The following USP34 variants were observed in gnomAD, a reference collection of about 807,000 sequenced individuals.
USP34 encodes ubiquitin carboxyl-terminal hydrolase 34.
In USP34, 70 loss-of-function variants were observed where a neutral mutation model predicts 460.3. The ratio of observed to expected loss-of-function variants is 0.15; its 90% CI spans 0.13 to 0.19. The LOEUF is 0.19. USP34 is among the 10% of genes least tolerant of loss of function. The pLI, the probability that USP34 is intolerant of heterozygous loss-of-function variation, is 1.00. For missense variants in USP34, 3,985 were observed against 4,236.2 expected (o/e 0.94, Z 1.65); for synonymous variants, 1,647 against 1,405.3 (o/e 1.17, Z -3.85).
Position 61,386,485 on chromosome 2 carries a change from T to A in USP34, c.754-3149A>T, listed in dbSNP as rs190568939. ...CCTGATCAAGGTAAGCAAGAAAAAA[T>A]TTTTCAAAAAAAACAACAACTTTGG... On this transcript the variant is annotated intron_variant, in intron 5 of 79. Transcript: ENST00000398571. 5.0e-4 allele frequency among the ~76,000 whole-genome samples: 75 copies of A among 151,336 alleles called. No individual in the cohort carries two copies. In the East Asian group the frequency reaches 0.012, roughly 24 times the overall value.
intron 19 of USP34, among the ~76,000 whole-genome samples, chr2:61,333,477 A>T (rs917620807): frequency 6.6e-6 from 1 of 152,088 alleles, no homozygotes; most frequent in Non-Finnish European, 1.5e-5. Context: ...AGGCATACTC[A>T]ACCTGTAATA....
chr2:61,206,076 T>C lies in USP34; in HGVS notation c.9095A>G (p.His3032Arg), dbSNP rs760634697. 1.9e-6 allele frequency: 3 copies of C among 1,613,892 alleles called. No homozygotes were observed. Among genetic ancestry groups the C allele is most frequent in the Non-Finnish European group, 1.7e-6 (2 of 1,179,862 alleles). ...IQWQERIEFAHKLLTLLNSYS... is the reference protein window; with the variant it reads ...IQWQERIEFARKLLTLLNSYS... ...GGAATTAAGAAGAGTTAACAGTTTATGGGCAAATTCAATTCGCTCCTGCCA... is the reference window on the plus strand; with the variant it reads ...GGAATTAAGAAGAGTTAACAGTTTACGGGCAAATTCAATTCGCTCCTGCCA... The change falls in exon 72 of 80, where the codon CAT becomes CGT. Residue 3032 changes from histidine (H) to arginine (R), a missense_variant. Transcript: ENST00000398571.
intron 41 of USP34, among the ~76,000 whole-genome samples, chr2:61,267,105 G>A (rs1176449425): frequency 2.0e-5 from 3 of 152,172 alleles, no homozygotes; most frequent in Non-Finnish European, 2.9e-5. Context: ...CACATCTTGT[G>A]GAACTCCAAT....
rs1171263491 is a variant in USP34, at chr2:61,256,621, CTG to C, written c.6127-145_6127-144del. 48 of 681,096 alleles carry C rather than the reference CTG, an allele frequency of 7.0e-5. No homozygotes were observed. The East Asian group carries it at 1.1e-3, about 15-fold the overall frequency. The allele number at this position is 681,096 out of a possible 1,614,324, so 42.2% of individuals were successfully genotyped here. A position where few individuals can be genotyped will look rare whatever the true frequency, so the allele number is the denominator to read the frequency against. On this transcript the variant is annotated intron_variant, in intron 47 of 79. Transcript: ENST00000398571. ...TGAATTCTTAAATTTTAGTAAAAAA[CTG>C]TTTTTCCTCATATTAAGATATTCTA...
chr2:61,239,082 A>G (rs1245035398), intron 53 of USP34, among the ~76,000 whole-genome samples: 1 of 151,980 alleles, frequency 6.6e-6, no homozygotes, highest in Non-Finnish European at 1.5e-5. Context: ...AAGACGGCAA[A>G]CTTAATACAT....
At chr2:61,365,612 G>C (rs1311983877) in intron 10 of USP34, among the ~76,000 whole-genome samples, 1 of 152,090 alleles carries the variant, frequency 6.6e-6, no homozygotes, top group African/African-American at 2.4e-5. Context: ...ATTAATTCTG[G>C]AGTAAGGAAG....
At chr2:61,413,094 GTAAT>G (rs1694089816) in intron 2 of USP34, among the ~76,000 whole-genome samples, 1 of 152,044 alleles carries the variant, frequency 6.6e-6, no homozygotes, top group Non-Finnish European at 1.5e-5. Context: ...TTCAGGGAGA[GTAAT>G]TAAGAGTATC....
intron 23 of USP34, among the ~76,000 whole-genome samples, chr2:61,315,374 A>ATT (rs776500310): frequency 1.5e-4 from 22 of 144,098 alleles, no homozygotes; most frequent in African/African-American, 2.5e-4. Context: ...TTCTCACCCA[A>ATT]TTTTTTTTTT....
intron 1 of USP34, among the ~76,000 whole-genome samples, chr2:61,424,127 C>T (rs370237152): frequency 2.0e-5 from 3 of 152,120 alleles, no homozygotes; most frequent in African/African-American, 4.8e-5. Context: ...CAATCCCACT[C>T]GTGAGCATAT....
At chr2:61,400,176 C>T (rs974162307) in intron 3 of USP34, among the ~76,000 whole-genome samples, 1 of 151,198 alleles carries the variant, frequency 6.6e-6, no homozygotes, top group Non-Finnish European at 1.5e-5. Context: ...GCGGCACCAT[C>T]CCGGCTCATT....
At chr2:61,365,297 GTTTA>G (rs1047183482) in intron 10 of USP34, among the ~76,000 whole-genome samples, 8 of 119,574 alleles carry the variant, frequency 6.7e-5, no homozygotes, top group South Asian at 2.4e-4. Context: ...ACACACGTGT[GTTTA>G]TTTATAAATG....
At chr2:61,437,000 A>C (rs896650464) in intron 1 of USP34, among the ~76,000 whole-genome samples, 1 of 152,228 alleles carries the variant, frequency 6.6e-6, no homozygotes, top group Non-Finnish European at 1.5e-5. Flanking sequence ...ACAAATGAAA[A>C]TGCAAATACA....
At chr2:61,298,375 A>C (rs1238534290) in intron 29 of USP34, among the ~76,000 whole-genome samples, 1 of 142,614 alleles carries the variant, frequency 7.0e-6, no homozygotes, top group African/African-American at 2.7e-5. Context: ...AAAAAAAAAA[A>C]AAAAAAAAAA....
At chr2:61,463,792 C>G (rs964043909) in intron 1 of USP34, among the ~76,000 whole-genome samples, 1 of 151,662 alleles carries the variant, frequency 6.6e-6, no homozygotes, top group African/African-American at 2.4e-5. Flanking sequence ...CGAGATCATG[C>G]CATTGCACAC....
chr2:61,446,705 A>G (rs1417536637), intron 1 of USP34, among the ~76,000 whole-genome samples: 4 of 151,944 alleles, frequency 2.6e-5, no homozygotes, highest in African/African-American at 7.2e-5. Context: ...CTGAGGTGAG[A>G]GAATCCCTAG....
intron 55 of USP34, 33 bp downstream of exon 55, chr2:61,236,128 G>C (rs767322816): frequency 7.5e-6 from 12 of 1,592,796 alleles, no homozygotes; most frequent in Non-Finnish European, 1.0e-5. Flanking sequence ...AGTAAATTTT[G>C]ACAGAATTAT....
intron 1 of USP34, among the ~76,000 whole-genome samples, chr2:61,448,912 T>C (rs1695192315): frequency 6.6e-6 from 1 of 152,174 alleles, no homozygotes; most frequent in Admixed American, 6.5e-5. Flanking sequence ...CTCAGCACTC[T>C]GGGAGGCCAA....
At chr2:61,226,206 T>A (rs1687721251) in intron 62 of USP34, among the ~76,000 whole-genome samples, 1 of 152,196 alleles carries the variant, frequency 6.6e-6, no homozygotes, top group African/African-American at 2.4e-5. Context: ...CCGTGAAAAG[T>A]ACATTTGTTT....
In USP34 at chr2:61,295,172, G is replaced by T. The variant is rs1267762013; in HGVS notation, c.4373C>A (p.Ser1458Tyr). 1 of 1,609,118 alleles carries T rather than the reference G, an allele frequency of 6.2e-7. No homozygotes were observed. Among genetic ancestry groups the T allele is most frequent in the African/African-American group, 1.3e-5 (1 of 74,592 alleles). Residue 1458 changes from serine (S) to tyrosine (Y), a missense_variant, in exon 31 of 80, where the codon TCT (serine) becomes TAT (tyrosine). Around this residue, in one of 14 missense-constraint regions of USP34, gnomAD observed 1,114 missense variants for 1,122.5 expected, o/e 0.99. Coordinates refer to ENST00000398571, the MANE Select transcript of USP34 (RefSeq NM_014709.4). ...TAATAATGGAAATGCAATTACCGTAGACTCCCTCCTTATTCTTCTATTAGG... is the reference window on the plus strand; with the variant it reads ...TAATAATGGAAATGCAATTACCGTATACTCCCTCCTTATTCTTCTATTAGG... The part of the protein sequence containing the change: ...GKPNRRIRRE[S>Y]TGSYSDLYPD...
Sources: gnomAD v4.1 joint callset for allele counts (sites outside exome capture counted in the v4.1 genomes callset) on GRCh38, gnomAD v4.1.1 for gene constraint, gnomAD v4.1.1 regional missense constraint, MANE v1.5 for transcripts, NCBI Gene and HGNC (gene_info 2026-07-23, HGNC 2026-07-21) for gene names.